The following EGFR variants were observed in gnomAD, a reference collection of about 807,000 sequenced individuals.
EGFR encodes epidermal growth factor receptor.
EGFR carries 58 observed loss-of-function variants against 143.0 expected under a neutral mutation model. The ratio of observed to expected loss-of-function variants is 0.41; its 90% CI spans 0.33 to 0.50. The LOEUF (loss-of-function observed/expected upper bound fraction) is 0.50. Among genes scored for constraint, EGFR ranks in the 20% least tolerant of loss-of-function variants. The pLI is 0.39. For synonymous variants in EGFR, 613 were observed against 594.4 expected (o/e 1.03, Z -0.45); for missense variants, 1,307 against 1,579.0 (o/e 0.83, Z 2.92).
chr7:55,199,691 T>C (rs1787764990), intron 23 of EGFR, among the ~76,000 whole-genome samples: 1 of 152,208 alleles, frequency 6.6e-6, no homozygotes, highest in African/African-American at 2.4e-5. Flanking sequence ...ACCTCCAAAT[T>C]GTTTAATCTG....
chr7:55,063,614 G>A (rs909101184), intron 1 of EGFR, among the ~76,000 whole-genome samples: 1 of 152,296 alleles, frequency 6.6e-6, no homozygotes, highest in Non-Finnish European at 1.5e-5. Flanking sequence ...CTGAGATGGG[G>A]CCATCTTGAA....
rs939737982 is a variant in EGFR at position 55,143,313 on chromosome 7, G to A, written c.249G>A (p.Gln83=). 2.5e-6 allele frequency: 4 copies of A among 1,614,106 alleles called. No homozygotes were observed. The African/African-American group carries it at 5.3e-5, about 22-fold the overall frequency. Residue 83 remains glutamine (Q), a synonymous_variant, in exon 3 of 28, where the codon CAG becomes CAA. Coordinates refer to ENST00000275493, the MANE Select transcript of EGFR (RefSeq NM_005228.5). Reference sequence around the variant, plus strand: ...ATGTTTTCTCTTCTTAGACCATCCAGGAGGTGGCTGGTTATGTCCTCATTG... The same window carrying A: ...ATGTTTTCTCTTCTTAGACCATCCAAGAGGTGGCTGGTTATGTCCTCATTG... ...NYDLSFLKTI[Q]EVAGYVLIAL...
chr7:55,191,833 C>T lies in EGFR; in HGVS notation c.2584C>T (p.Leu862=), dbSNP rs2128964653. 1 of 1,614,054 alleles carries T rather than the reference C, an allele frequency of 6.2e-7. No homozygotes were observed. Among genetic ancestry groups the T allele is most frequent in the Middle Eastern group, 1.6e-4 (1 of 6,062 alleles). ...CACAGATTTTGGGCTGGCCAAACTG[C>T]TGGGTGCGGAAGAGAAAGAATACCA... is the stretch of plus-strand genomic sequence containing the variant. ...KITDFGLAKL[L]GAEEKEYHAE... The change falls in exon 21 of 28, where the codon CTG becomes TTG. Residue 862 remains leucine (L), a synonymous_variant. Transcript: ENST00000275493.
chr7:55,054,543 C>T (rs924440233), intron 1 of EGFR, among the ~76,000 whole-genome samples: 3 of 152,218 alleles, frequency 2.0e-5, no homozygotes, highest in Non-Finnish European at 4.4e-5. Flanking sequence ...AAGAGGGGAA[C>T]GCTCCCTCGT....
At chr7:55,024,368 A>G (rs1012975146) in intron 1 of EGFR, among the ~76,000 whole-genome samples, 2 of 152,142 alleles carry the variant, frequency 1.3e-5, no homozygotes, top group East Asian at 1.9e-4. Context: ...AAACACTAAC[A>G]TGGGGGAGTA....
chr7:55,038,887 A>G lies in EGFR; in HGVS notation c.88+19522A>G, dbSNP rs561968528. Among the ~76,000 whole-genome samples the G allele has an allele frequency of 2.0e-5, 3 of 151,966 alleles. No individual in the cohort carries two copies. In the East Asian group the frequency reaches 5.8e-4, roughly 29 times the overall value. On this transcript the variant is annotated intron_variant, in intron 1 of 27. Coordinates refer to ENST00000275493, the MANE Select transcript of EGFR (RefSeq NM_005228.5). The stretch of plus-strand genomic sequence containing the variant: ...ATTTACCAGCTGCTTCCCTGCCGGC[A>G]GGTGCTCTGGTTCTGCACTGCCTGT...
intron 18 of EGFR, among the ~76,000 whole-genome samples, 165 bp downstream of exon 18, chr7:55,174,208 A>G (rs1044701450): frequency 3.3e-5 from 5 of 152,198 alleles, no homozygotes; most frequent in African/African-American, 1.2e-4. Flanking sequence ...TTGAGAGGAA[A>G]TCTTTTATAA....
At chr7:55,054,567 C>T (rs1479588780) in intron 1 of EGFR, among the ~76,000 whole-genome samples, 1 of 152,228 alleles carries the variant, frequency 6.6e-6, no homozygotes, top group Non-Finnish European at 1.5e-5. Context: ...TCAACAGTTG[C>T]TCCAGACAGG....
chr7:55,206,333 C>T lies in EGFR; in HGVS notation c.*716C>T, dbSNP rs890185457. ...CACTGATGGACCAGTGGTTTCCAGT[C>T]ATGAGCGTTAGACTGACTTGTTTGT... On this transcript the variant is annotated 3_prime_UTR_variant, in exon 28 of 28. Transcript: ENST00000275493. 5 of 234,088 alleles carry T rather than the reference C, an allele frequency of 2.1e-5. No individual in the cohort carries two copies. The highest frequency in any genetic ancestry group is 3.4e-5 in the Non-Finnish European group (4 of 118,776). 14.5% of individuals were successfully genotyped at this position (234,088 alleles called of 1,614,324 possible). A position where few individuals can be genotyped will look rare whatever the true frequency, so the allele number is the denominator to read the frequency against.
chr7:55,200,611 A>G (rs934383046), intron 24 of EGFR, 198 bp downstream of exon 24: 3 of 644,554 alleles, frequency 4.7e-6, no homozygotes, highest in Non-Finnish European at 5.6e-6. Context: ...GGGCCCACCC[A>G]ACTCCATCTC....
chr7:55,172,875 C>G (rs751326458), intron 16 of EGFR, 108 bp from the exon 17 acceptor site: 1 of 1,608,204 alleles, frequency 6.2e-7, no homozygotes, highest in Non-Finnish European at 8.5e-7. Context: ...TTTCCAAGAT[C>G]ATTCTACAAG....
rs1335981257 is a variant in EGFR, at chr7:55,207,232, TTAAAG to T, written c.*1619_*1623del. 4 of 232,938 alleles carry T rather than the reference TTAAAG, an allele frequency of 1.7e-5. No homozygotes were observed. Among genetic ancestry groups the T allele is most frequent in the Non-Finnish European group, 3.4e-5 (4 of 117,942 alleles). 14.4% of individuals were successfully genotyped at this position (232,938 alleles called of 1,614,324 possible). On this transcript the variant is annotated 3_prime_UTR_variant, in exon 28 of 28. Coordinates refer to ENST00000275493, the MANE Select transcript of EGFR (RefSeq NM_005228.5). ...CACATACAAAATGTTCCTTTTGCTTTTAAAGTAATTTTTGACTCCCAGATCAGTCA... is the reference window on the plus strand; with the variant it reads ...CACATACAAAATGTTCCTTTTGCTTTTAATTTTTGACTCCCAGATCAGTCA...
intron 1 of EGFR, among the ~76,000 whole-genome samples, chr7:55,029,685 G>T (rs1389213152): frequency 6.6e-6 from 1 of 152,072 alleles, no homozygotes; most frequent in Admixed American, 6.5e-5. Context: ...TGTTGTTAAG[G>T]GAGTTTTTCT....
rs73342735 is a variant in EGFR at position 55,086,271 on chromosome 7, C to T, written c.89-56015C>T. Among the ~76,000 whole-genome samples the T allele has an allele frequency of 4.0e-3, 610 of 152,284 alleles. 5 individuals carry two copies. The highest frequency in any genetic ancestry group is 0.014 in the African/African-American group (594 of 41,564). On this transcript the variant is annotated intron_variant, in intron 1 of 27. Transcript: ENST00000275493. ...GAGCCTTCATCCACTACACTGTCAGCTGGTATCTCAACCAGCCATTACAGG... is the reference window on the plus strand; with the variant it reads ...GAGCCTTCATCCACTACACTGTCAGTTGGTATCTCAACCAGCCATTACAGG...
At chr7:55,082,842 G>GT (rs1554326360) in intron 1 of EGFR, among the ~76,000 whole-genome samples, 1 of 152,198 alleles carries the variant, frequency 6.6e-6, no homozygotes, top group Non-Finnish European at 1.5e-5. Context: ...TGTCAGTAGA[G>GT]TCTCTCTCTC....
chr7:55,111,663 CTAAGA>C (rs1389673354), intron 1 of EGFR, among the ~76,000 whole-genome samples: 4 of 152,082 alleles, frequency 2.6e-5, no homozygotes, highest in Admixed American at 1.3e-4. Context: ...GTTAAGTGAG[CTAAGA>C]TGAGATGGTG....
At chr7:55,090,508 A>T (rs112915351) in intron 1 of EGFR, among the ~76,000 whole-genome samples, 5,026 of 152,274 alleles carry the variant, frequency 0.033, 209 homozygotes, top group African/African-American at 0.098. Flanking sequence ...TAGGATTCAG[A>T]TATAATAACA....
intron 1 of EGFR, among the ~76,000 whole-genome samples, chr7:55,135,382 A>C (rs947966847): frequency 1.3e-5 from 2 of 152,054 alleles, no homozygotes; most frequent in African/African-American, 4.8e-5. Context: ...GAAGATTGTC[A>C]GAAATTCAAA....
intron 1 of EGFR, among the ~76,000 whole-genome samples, chr7:55,133,980 GC>G (rs753660436): frequency 1.4e-4 from 22 of 152,212 alleles, no homozygotes; most frequent in Admixed American, 3.3e-4. Flanking sequence ...CAAGTAGAAT[GC>G]TGGCCCGAGA....
Sources: gnomAD v4.1 joint callset for allele counts (sites outside exome capture counted in the v4.1 genomes callset) on GRCh38, gnomAD v4.1.1 for gene constraint, MANE v1.5 for transcripts, NCBI Gene and HGNC (gene_info 2026-07-23, HGNC 2026-07-21) for gene names.